The following COP1 variants were observed in gnomAD, a reference collection of about 807,000 sequenced individuals.
The protein encoded by COP1 is COP1 E3 ubiquitin ligase.
COP1 carries 24 observed loss-of-function variants against 101.3 expected under a neutral mutation model. The observed-to-expected ratio is 0.24, with a 90% CI of 0.17 to 0.33. The LOEUF is 0.33. COP1 is among the 10% of genes least tolerant of loss of function. The pLI, the probability that COP1 is intolerant of heterozygous loss-of-function variation, is 1.00. For synonymous variants in COP1, 347 were observed against 341.9 expected, an observed-to-expected ratio of 1.01 and a Z score of -0.17; for missense variants, 663 against 906.2, an observed-to-expected ratio of 0.73 and a Z score of 3.45.
intron 18 of COP1, among the ~76,000 whole-genome samples, chr1:175,978,701 A>G (rs1457357570): frequency 6.6e-6 from 1 of 152,144 alleles, no homozygotes; most frequent in African/African-American, 2.4e-5. Flanking sequence ...CCAGTCAGGG[A>G]AATTTTCTAA....
At chr1:175,990,636 C>T (rs1043889595) in intron 15 of COP1, among the ~76,000 whole-genome samples, 3 of 152,058 alleles carry the variant, frequency 2.0e-5, no homozygotes, top group African/African-American at 7.2e-5. Flanking sequence ...CACAGATTTT[C>T]TTTTCATATA....
chr1:176,076,003 C>CAAAAAAAAA (rs60998287), intron 11 of COP1, among the ~76,000 whole-genome samples: 6 of 96,536 alleles, frequency 6.2e-5, no homozygotes, highest in Non-Finnish European at 7.6e-5. Context: ...AACTCCATCT[C>CAAAAAAAAA]AAAAAAAAAA....
chr1:175,990,667 A>G (rs1658193867), intron 15 of COP1, among the ~76,000 whole-genome samples: 1 of 152,114 alleles, frequency 6.6e-6, no homozygotes, highest in African/African-American at 2.4e-5. Flanking sequence ...GTTTGTTTTG[A>G]GGTGTGTTGA....
intron 8 of COP1, among the ~76,000 whole-genome samples, chr1:176,133,280 G>A (rs527598650): frequency 2.7e-5 from 4 of 150,648 alleles, no homozygotes; most frequent in Middle Eastern, 3.4e-3. Flanking sequence ...ATATATATAC[G>A]TATGTACACA....
chr1:176,157,542 T>C (rs980113981), intron 5 of COP1, among the ~76,000 whole-genome samples: 1 of 152,076 alleles, frequency 6.6e-6, no homozygotes, highest in African/African-American at 2.4e-5. Flanking sequence ...TATACATGCA[T>C]CAGGCACTCA....
At chr1:176,175,864 T>C in intron 3 of COP1, 46 bp downstream of exon 3, 2 of 1,116,046 alleles carry the variant, frequency 1.8e-6, no homozygotes, top group Non-Finnish European at 2.7e-6. Context: ...CACACAATTT[T>C]GGGGATCGAA....
At chr1:176,033,328 G>C (rs1050308604) in intron 14 of COP1, among the ~76,000 whole-genome samples, 1 of 152,168 alleles carries the variant, frequency 6.6e-6, no homozygotes, top group Non-Finnish European at 1.5e-5. Context: ...TTGGGAGGCT[G>C]AGGCAGGAGA....
At chr1:176,111,555 A>C (rs1047802630) in intron 9 of COP1, among the ~76,000 whole-genome samples, 1 of 152,212 alleles carries the variant, frequency 6.6e-6, no homozygotes, top group Non-Finnish European at 1.5e-5. Context: ...GGCCTCCCAA[A>C]GTGCTGGGAT....
At chr1:175,952,147 C>A (rs755774993) in intron 18 of COP1, among the ~76,000 whole-genome samples, 1 of 152,180 alleles carries the variant, frequency 6.6e-6, no homozygotes, top group South Asian at 2.1e-4. Context: ...AGAGGCCAGG[C>A]GCAGTGGCTC....
At chr1:176,201,720 T>G (rs1394492031) in intron 1 of COP1, among the ~76,000 whole-genome samples, 3 of 152,220 alleles carry the variant, frequency 2.0e-5, no homozygotes, top group Non-Finnish European at 2.9e-5. Context: ...CTGCTACCAT[T>G]GATGCTGATG....
At chr1:176,146,940 T>C (rs1691664706) in intron 6 of COP1, among the ~76,000 whole-genome samples, 1 of 152,200 alleles carries the variant, frequency 6.6e-6, no homozygotes, top group South Asian at 2.1e-4. Flanking sequence ...GAATACTCAT[T>C]ATCCAAATGA....
chr1:176,160,654 C>CA (rs1694186288), intron 5 of COP1, among the ~76,000 whole-genome samples: 1 of 151,478 alleles, frequency 6.6e-6, no homozygotes, highest in Non-Finnish European at 1.5e-5. Flanking sequence ...TTTATGTGGC[C>CA]AAAAAACGTA....
Position 176,016,234 on chromosome 1 carries a change from T to C in COP1, c.1729+11338A>G, listed in dbSNP as rs868310012. 2.6e-5 allele frequency among the ~76,000 whole-genome samples: 4 copies of C among 151,934 alleles called. 1 individual carries two copies. In the South Asian group the frequency reaches 8.3e-4, roughly 31 times the overall value. The stretch of plus-strand genomic sequence containing the variant: ...ATAACTAAATGGATAAAATAACCCA[T>C]GGGGAATTTAGAGAGTGACAAGAGA... On this transcript the variant is annotated intron_variant, in intron 15 of 19. Transcript: ENST00000367669.
chr1:176,202,126 T>C (rs1700321179), intron 1 of COP1, among the ~76,000 whole-genome samples: 1 of 151,936 alleles, frequency 6.6e-6, no homozygotes, highest in Non-Finnish European at 1.5e-5. Flanking sequence ...TCCACATACA[T>C]TGCTGCACAA....
intron 5 of COP1, among the ~76,000 whole-genome samples, chr1:176,151,680 A>G (rs1418245321): frequency 6.6e-6 from 1 of 152,220 alleles, no homozygotes; most frequent in African/African-American, 2.4e-5. Flanking sequence ...AGCCTAATAT[A>G]ATTAAATATG....
chr1:176,163,804 T>A lies in COP1; in HGVS notation c.642+11A>T. The A allele has an allele frequency of 1.3e-6, 2 of 1,497,448 alleles. No homozygotes were observed. The highest frequency in any genetic ancestry group is 1.8e-6 in the Non-Finnish European group (2 of 1,097,884). 92.8% of individuals were successfully genotyped at this position (1,497,448 alleles called of 1,614,324 possible). A position where few individuals can be genotyped will look rare whatever the true frequency, so the allele number is the denominator to read the frequency against. ...AATTTATTAAAAATAGTAATAAGAG[T>A]TGAAACATACGGTGCTACTCACTGA... On this transcript the variant is annotated intron_variant, in intron 4 of 19. Transcript: ENST00000367669.
chr1:176,115,142 T>C (rs563336130), intron 9 of COP1, among the ~76,000 whole-genome samples: 23 of 152,200 alleles, frequency 1.5e-4, no homozygotes, highest in Non-Finnish European at 2.8e-4. Flanking sequence ...CAAAACTTAT[T>C]TCAATACAAA....
intron 14 of COP1, among the ~76,000 whole-genome samples, chr1:176,037,083 CT>C (rs1368087031): frequency 6.6e-6 from 1 of 152,216 alleles, no homozygotes; most frequent in Admixed American, 6.5e-5. Context: ...GAAAGCTTCA[CT>C]GACAAATTCT....
chr1:176,027,296 AAGT>A (rs1667839036), intron 15 of COP1, among the ~76,000 whole-genome samples: 2 of 152,182 alleles, frequency 1.3e-5, no homozygotes, highest in Non-Finnish European at 2.9e-5. Flanking sequence ...GTTTGTGAAT[AAGT>A]AATAAGCATT....
Sources: allele counts gnomAD v4.1 joint callset (sites outside exome capture counted in the v4.1 genomes callset), GRCh38; gene constraint gnomAD v4.1.1; transcripts MANE v1.5; gene names NCBI Gene and HGNC (gene_info 2026-07-23, HGNC 2026-07-21).